GRIN2B: variants seen among roughly 807,000 people sequenced by gnomAD.
The protein encoded by GRIN2B is glutamate receptor ionotropic, NMDA 2B.
In GRIN2B, 5 loss-of-function variants were observed where a neutral mutation model predicts 114.5. The observed-to-expected ratio is 0.04, with a 90% CI of 0.02 to 0.09. The LOEUF (loss-of-function observed/expected upper bound fraction) is 0.09. Ranked by LOEUF, GRIN2B falls within the 10% of genes least tolerant of loss-of-function variation. The probability of loss-of-function intolerance (pLI) is 1.00; values close to 1 mark genes in which losing one functional copy is unlikely to be tolerated. For synonymous variants in GRIN2B, 787 were observed against 745.1 expected (o/e 1.06, Z -0.92); for missense variants, 1,108 against 1,943.5 (o/e 0.57, Z 8.08).
intron 2 of GRIN2B, among the ~76,000 whole-genome samples, chr12:13,876,824 C>T (rs149479875): frequency 2.0e-5 from 3 of 151,936 alleles, no homozygotes; most frequent in African/African-American, 7.3e-5. Flanking sequence ...TCTTATTTAT[C>T]TATCTCCAGT....
chr12:13,587,814 G>C (rs1031382398), intron 10 of GRIN2B, among the ~76,000 whole-genome samples: 2 of 152,200 alleles, frequency 1.3e-5, no homozygotes, highest in African/African-American at 4.8e-5. Flanking sequence ...TGGTATAATA[G>C]CTTGCCTTTG....
chr12:13,575,533 C>T (rs1948763215), intron 10 of GRIN2B, among the ~76,000 whole-genome samples: 1 of 152,026 alleles, frequency 6.6e-6, no homozygotes, highest in Admixed American at 6.5e-5. Flanking sequence ...GTGGCATGCG[C>T]TTCTAGTCCC....
intron 2 of GRIN2B, among the ~76,000 whole-genome samples, chr12:13,953,292 A>T (rs749842773): frequency 1.3e-5 from 2 of 152,136 alleles, no homozygotes; most frequent in African/African-American, 4.8e-5. Context: ...ATACTCAATT[A>T]GTCAATGCAA....
intron 2 of GRIN2B, among the ~76,000 whole-genome samples, chr12:13,918,404 C>CA (rs1565586345): frequency 1.3e-5 from 2 of 151,728 alleles, no homozygotes; most frequent in African/African-American, 2.4e-5. Flanking sequence ...GACCCTGTCT[C>CA]AAAAAAAGAA....
chr12:13,639,625 T>C (rs547601200), intron 5 of GRIN2B, among the ~76,000 whole-genome samples: 3 of 152,242 alleles, frequency 2.0e-5, no homozygotes, highest in Admixed American at 1.3e-4. Flanking sequence ...TCAAGGAAGA[T>C]TGGAAAAGCA....
chr12:13,904,759 T>C (rs1039572028), intron 2 of GRIN2B, among the ~76,000 whole-genome samples: 2 of 152,262 alleles, frequency 1.3e-5, no homozygotes, highest in Non-Finnish European at 2.9e-5. Context: ...TTTTGACACA[T>C]AAATTTTCTA....
intron 2 of GRIN2B, among the ~76,000 whole-genome samples, chr12:13,878,672 C>G (rs1190453885): frequency 6.6e-6 from 1 of 152,162 alleles, no homozygotes; most frequent in Non-Finnish European, 1.5e-5. Flanking sequence ...ACCACTGAGT[C>G]GAGTATGGCC....
At chr12:13,695,640 G>A (rs1950253202) in intron 4 of GRIN2B, among the ~76,000 whole-genome samples, 2 of 152,096 alleles carry the variant, frequency 1.3e-5, no homozygotes, top group Admixed American at 1.3e-4. Context: ...GAAGAAATAA[G>A]GCTGAAAACA....
intron 3 of GRIN2B, among the ~76,000 whole-genome samples, chr12:13,861,809 C>G (rs1269752339): frequency 6.6e-6 from 1 of 152,120 alleles, no homozygotes; most frequent in Non-Finnish European, 1.5e-5. Flanking sequence ...GTCCATGCTG[C>G]TTTTCGATTC....
At chr12:13,637,607 C>T (rs2216216) in intron 5 of GRIN2B, among the ~76,000 whole-genome samples, 151,267 of 152,240 alleles carry the variant, frequency 0.99, 75,155 homozygotes, top group Middle Eastern at 1. Context: ...AGTCAGAATT[C>T]TCTCAAAATG....
intron 5 of GRIN2B, among the ~76,000 whole-genome samples, chr12:13,660,885 T>C (rs1239205552): frequency 5.3e-5 from 8 of 152,190 alleles, no homozygotes; most frequent in African/African-American, 1.9e-4. Flanking sequence ...TCATCTTTTC[T>C]TGACTCTGCT....
chr12:13,737,250 T>G (rs761971267), intron 4 of GRIN2B, among the ~76,000 whole-genome samples: 1 of 151,770 alleles, frequency 6.6e-6, no homozygotes, highest in Admixed American at 6.6e-5. Flanking sequence ...CTCTCTCTAT[T>G]GCCCAGGCTG....
At chr12:13,914,420 A>G (rs1866676167) in intron 2 of GRIN2B, among the ~76,000 whole-genome samples, 3 of 152,196 alleles carry the variant, frequency 2.0e-5, no homozygotes, top group Admixed American at 6.5e-5. Context: ...GTAGGGAATA[A>G]CGGATGCTAG....
In GRIN2B at chr12:13,795,976, A is replaced by G. The variant is rs181920178; in HGVS notation, c.412-42061T>C. ...AGGGATAACATTAGGAGAAAAACCT[A>G]ATGTAAATGACGAGTTAATGGGTGA... On this transcript the variant is annotated intron_variant, in intron 3 of 13. Coordinates refer to ENST00000609686, the MANE Select transcript of GRIN2B (RefSeq NM_000834.5). Among the ~76,000 whole-genome samples, 13 of 152,172 alleles carry G rather than the reference A, an allele frequency of 8.5e-5. No individual in the cohort carries two copies. The East Asian group carries it at 2.5e-3, about 29-fold the overall frequency.
intron 5 of GRIN2B, among the ~76,000 whole-genome samples, chr12:13,622,227 C>A (rs1949524835): frequency 6.6e-6 from 1 of 152,170 alleles, no homozygotes; most frequent in South Asian, 2.1e-4. Flanking sequence ...GAGATGACAT[C>A]TGGATGTAAC....
intron 3 of GRIN2B, among the ~76,000 whole-genome samples, chr12:13,862,158 CT>C (rs1318673704): frequency 2.0e-5 from 3 of 152,170 alleles, no homozygotes; most frequent in African/African-American, 7.2e-5. Flanking sequence ...CTCATTTCCT[CT>C]TTGGGAAAGC....
At chr12:13,849,799 G>T (rs1314212155) in intron 3 of GRIN2B, among the ~76,000 whole-genome samples, 1 of 152,126 alleles carries the variant, frequency 6.6e-6, no homozygotes, top group Non-Finnish European at 1.5e-5. Context: ...CACCTCGTGT[G>T]CTCTGTGTTG....
intron 2 of GRIN2B, among the ~76,000 whole-genome samples, chr12:13,975,672 C>CTGATAATCTAT (rs1184502331): frequency 2.0e-5 from 3 of 152,206 alleles, no homozygotes; most frequent in Non-Finnish European, 2.9e-5. Flanking sequence ...TTAACATTTT[C>CTGATAATCTAT]TGATAATCTA....
chr12:13,797,109 G>T (rs1436719141), intron 3 of GRIN2B, among the ~76,000 whole-genome samples: 3 of 152,218 alleles, frequency 2.0e-5, no homozygotes, highest in African/African-American at 4.8e-5. Context: ...ACAAGGAACA[G>T]AAATTTATTT....
Sources: gnomAD v4.1 joint callset for allele counts (sites outside exome capture counted in the v4.1 genomes callset) on GRCh38, gnomAD v4.1.1 for gene constraint, MANE v1.5 for transcripts, NCBI Gene and HGNC (gene_info 2026-07-23, HGNC 2026-07-21) for gene names.